The following GLYATL3 variants were observed in gnomAD, a reference collection of about 807,000 sequenced individuals.
GLYATL3 encodes glycine-N-acyltransferase like 3.
Under a neutral mutation model 28.5 loss-of-function variants are expected in GLYATL3, and 31 were observed. That is an observed-to-expected ratio of 1.09 (90% CI 0.82 to 1.47). The LOEUF (loss-of-function observed/expected upper bound fraction) is 1.47, where lower values mean the gene tolerates loss of function less well. Among genes scored for constraint, GLYATL3 ranks in the 40% most tolerant of loss-of-function variants. The probability of loss-of-function intolerance (pLI) is 0.00; values close to 1 mark genes in which losing one functional copy is unlikely to be tolerated. For synonymous variants in GLYATL3, 141 were observed against 140.2 expected (o/e 1.01, Z -0.04); for missense variants, 369 against 351.5 (o/e 1.05, Z -0.40).
chr6:49,522,688 C>A (rs192078323), intron 5 of GLYATL3, among the ~76,000 whole-genome samples: 39 of 152,260 alleles, frequency 2.6e-4, no homozygotes, highest in Non-Finnish European at 1.6e-4. Flanking sequence ...TGTTAATTTT[C>A]TTTACTCCTA....
chr6:49,509,146 G>C (rs1177124738), intron 1 of GLYATL3, among the ~76,000 whole-genome samples: 2 of 152,138 alleles, frequency 1.3e-5, no homozygotes, highest in African/African-American at 2.4e-5. Flanking sequence ...CTTTATGTTA[G>C]AAAGTTTAGT....
At position 49,527,003 on chromosome 6, in the gene GLYATL3, CAG is replaced by C. The variant is rs1769433608; in HGVS notation, c.*90_*91del. On this transcript the variant is annotated 3_prime_UTR_variant, in exon 6 of 6. Transcript: ENST00000371197. ...ACGAGGGGAGAGTTAAAATGGGAATCAGGGGACTCTTGAGTTGTTGGAAAGGG... is the reference window on the plus strand; with the variant it reads ...ACGAGGGGAGAGTTAAAATGGGAATCGGGACTCTTGAGTTGTTGGAAAGGG... The C allele has an allele frequency of 3.1e-6, 3 of 983,304 alleles. No homozygotes were observed. Among genetic ancestry groups the C allele is most frequent in the African/African-American group, 1.6e-5 (1 of 60,892 alleles). 60.9% of individuals were successfully genotyped at this position (983,304 alleles called of 1,614,324 possible). A position where few individuals can be genotyped will look rare whatever the true frequency, so the allele number is the denominator to read the frequency against.
At chr6:49,513,122 G>GTGAC (rs1358057654) in intron 2 of GLYATL3, among the ~76,000 whole-genome samples, 2 of 152,130 alleles carry the variant, frequency 1.3e-5, no homozygotes, top group Admixed American at 6.5e-5. Flanking sequence ...AAAAATTTCA[G>GTGAC]TGACCTTTAC....
At chr6:49,519,165 T>C (rs1769271090) in intron 4 of GLYATL3, among the ~76,000 whole-genome samples, 3 of 152,190 alleles carry the variant, frequency 2.0e-5, no homozygotes, top group Admixed American at 1.3e-4. Context: ...TGGTAATAAT[T>C]GGATGGATCT....
At chr6:49,512,154 T>A (rs964030427) in intron 2 of GLYATL3, 86 bp downstream of exon 2, 15 of 676,468 alleles carry the variant, frequency 2.2e-5, no homozygotes. Flanking sequence ...TTTCCTTTTT[T>A]TCTGATAATA....
chr6:49,506,689 C>T lies in GLYATL3; in HGVS notation c.-28-5274C>T, dbSNP rs532413539. ...CTTTTTTTTGTACAACAAACACAGGCGAGTTCCATGGAGACAAGGACGGCT... is the reference window on the plus strand; with the variant it reads ...CTTTTTTTTGTACAACAAACACAGGTGAGTTCCATGGAGACAAGGACGGCT... On this transcript the variant is annotated intron_variant, in intron 1 of 5. Coordinates refer to ENST00000371197, the MANE Select transcript of GLYATL3 (RefSeq NM_001010904.2). 1.6e-4 allele frequency among the ~76,000 whole-genome samples: 24 copies of T among 152,084 alleles called. No homozygotes were observed. The South Asian group carries it at 3.5e-3, about 22-fold the overall frequency.
At chr6:49,522,266 A>G (rs953577530) in intron 5 of GLYATL3, among the ~76,000 whole-genome samples, 4 of 151,878 alleles carry the variant, frequency 2.6e-5, no homozygotes, top group African/African-American at 9.7e-5. Context: ...TGCCCCTCCC[A>G]CCCCCACACA....
chr6:49,515,620 A>C lies in GLYATL3; in HGVS notation c.79-33A>C, dbSNP rs185410542. 4.7e-4 allele frequency: 573 copies of C among 1,230,264 alleles called. 2 individuals are homozygous for C. In the African/African-American group the frequency reaches 7.9e-3, roughly 17 times the overall value. The allele number at this position is 1,230,264 out of a possible 1,614,324, so 76.2% of individuals were successfully genotyped here. A position where few individuals can be genotyped will look rare whatever the true frequency, so the allele number is the denominator to read the frequency against. On this transcript the variant is annotated intron_variant, in intron 2 of 5. Transcript: ENST00000371197. Reference sequence around the variant, plus strand: ...ATATGTGAGTGAAACAGCTAATAGTATGATTGGCTTGTCTCTGGGTTATCT... The same window carrying C: ...ATATGTGAGTGAAACAGCTAATAGTCTGATTGGCTTGTCTCTGGGTTATCT...
At chr6:49,512,106 T>C in intron 2 of GLYATL3, 38 bp downstream of exon 2, 1 of 928,288 alleles carries the variant, frequency 1.1e-6, no homozygotes, top group Non-Finnish European at 1.7e-6. Flanking sequence ...ATTTCTTTAT[T>C]GTGTTAATCT....
At position 49,527,251 on chromosome 6, in the gene GLYATL3, G is replaced by A. The variant is rs1404384057; in HGVS notation, c.*337G>A. Reference sequence around the variant, plus strand: ...AACAAATGATTTAACAGAGGACCACGTGGCTACTGCTTTTTGATTGCTGCT... The same window carrying A: ...AACAAATGATTTAACAGAGGACCACATGGCTACTGCTTTTTGATTGCTGCT... On this transcript the variant is annotated 3_prime_UTR_variant, in exon 6 of 6. Coordinates refer to ENST00000371197, the MANE Select transcript of GLYATL3 (RefSeq NM_001010904.2). 6.6e-6 allele frequency among the ~76,000 whole-genome samples: 1 copy of A among 152,146 alleles called. No individual in the cohort carries two copies. Among genetic ancestry groups the A allele is most frequent in the Admixed American group, 6.5e-5 (1 of 15,272 alleles).
At chr6:49,501,371 A>G (rs1457503078) in intron 1 of GLYATL3, among the ~76,000 whole-genome samples, 1 of 152,192 alleles carries the variant, frequency 6.6e-6, no homozygotes, top group Non-Finnish European at 1.5e-5. Context: ...GACTCACACA[A>G]GATAGTGAAA....
At chr6:49,523,106 T>C (rs760117114) in intron 5 of GLYATL3, among the ~76,000 whole-genome samples, 29 of 152,128 alleles carry the variant, frequency 1.9e-4, no homozygotes, top group Non-Finnish European at 3.2e-4. Flanking sequence ...CTCACGGCTA[T>C]GATTGATTAC....
chr6:49,502,615 T>C lies in GLYATL3; in HGVS notation c.-29+2573T>C, dbSNP rs568281348. 5.9e-5 allele frequency among the ~76,000 whole-genome samples: 9 copies of C among 152,198 alleles called. No individual in the cohort carries two copies. In the East Asian group the frequency reaches 1.5e-3, roughly 26 times the overall value. ...ACAGTTTGTCAGGTTATTAATTTGA[T>C]TGGCCAATTTTTGATCAATACCTGA... On this transcript the variant is annotated intron_variant, in intron 1 of 5. Coordinates refer to ENST00000371197, the MANE Select transcript of GLYATL3 (RefSeq NM_001010904.2).
Position 49,512,040 on chromosome 6 carries a change from T to G in GLYATL3, c.50T>G (p.Leu17Trp). The G allele has an allele frequency of 6.8e-7, 1 of 1,467,040 alleles. No homozygotes were observed. The highest frequency in any genetic ancestry group is 9.3e-7 in the Non-Finnish European group (1 of 1,072,202). 90.9% of individuals were successfully genotyped at this position (1,467,040 alleles called of 1,614,324 possible). The change falls in exon 2 of 6, where the codon TTG (leucine) becomes TGG (tryptophan). Residue 17 changes from leucine (L) to tryptophan (W), a missense_variant. Coordinates refer to ENST00000371197, the MANE Select transcript of GLYATL3 (RefSeq NM_001010904.2). ...STKLLILEKM[L>W]KSCFPESLKV... Reference sequence around the variant, plus strand: ...AAATTACTGATACTGGAGAAAATGTTGAAGAGTTGCTTTCCTGAATCACTC... The same window carrying G: ...AAATTACTGATACTGGAGAAAATGTGGAAGAGTTGCTTTCCTGAATCACTC...
Position 49,526,983 on chromosome 6 carries a change from G to A in GLYATL3, c.*69G>A, listed in dbSNP as rs1446800403. ...ACACACACTCTTGGCTGCCAACGAG[G>A]GGAGAGTTAAAATGGGAATCAGGGG... On this transcript the variant is annotated 3_prime_UTR_variant, in exon 6 of 6. Coordinates refer to ENST00000371197, the MANE Select transcript of GLYATL3 (RefSeq NM_001010904.2). 7 of 1,182,150 alleles carry A rather than the reference G, an allele frequency of 5.9e-6. No homozygotes were observed. The highest frequency in any genetic ancestry group is 8.1e-6 in the Non-Finnish European group (7 of 864,680). The allele number at this position is 1,182,150 out of a possible 1,614,324, so 73.2% of individuals were successfully genotyped here.
chr6:49,517,697 A>G (rs1389352612), intron 4 of GLYATL3, 141 bp downstream of exon 4: 3 of 529,586 alleles, frequency 5.7e-6, no homozygotes, highest in Non-Finnish European at 9.3e-6. Flanking sequence ...ATACACATAC[A>G]TTTTATGCAT....
chr6:49,521,796 TG>T, intron 5 of GLYATL3, 25 bp downstream of exon 5: 1 of 1,547,986 alleles, frequency 6.5e-7, no homozygotes, highest in Non-Finnish European at 8.7e-7. Flanking sequence ...TTTTTGCATT[TG>T]GGGCAGGACT....
At chr6:49,524,182 G>C (rs962513485) in intron 5 of GLYATL3, among the ~76,000 whole-genome samples, 1 of 16,848 alleles carries the variant, frequency 5.9e-5, no homozygotes, top group African/African-American at 1.6e-4. Flanking sequence ...TATTTGCAGT[G>C]ATATTTCTGC....
Position 49,515,830 on chromosome 6 carries a change from T to C in GLYATL3, c.186+70T>C, listed in dbSNP as rs557942292. 441 of 855,056 alleles carry C rather than the reference T, an allele frequency of 5.2e-4. 1 individual carries two copies. In the African/African-American group the frequency reaches 6.0e-3, roughly 12 times the overall value. The allele number at this position is 855,056 out of a possible 1,614,324, so 53.0% of individuals were successfully genotyped here. A position where few individuals can be genotyped will look rare whatever the true frequency, so the allele number is the denominator to read the frequency against. ...AAAGAAAAAGTAGGTAATGGTATTTTATAATCATAGTAGCCATTTACATTA... is the reference window on the plus strand; with the variant it reads ...AAAGAAAAAGTAGGTAATGGTATTTCATAATCATAGTAGCCATTTACATTA... On this transcript the variant is annotated intron_variant, in intron 3 of 5. Coordinates refer to ENST00000371197, the MANE Select transcript of GLYATL3 (RefSeq NM_001010904.2).
Sources: allele counts gnomAD v4.1 joint callset (sites outside exome capture counted in the v4.1 genomes callset), GRCh38; gene constraint gnomAD v4.1.1; transcripts MANE v1.5; gene names NCBI Gene and HGNC (gene_info 2026-07-23, HGNC 2026-07-21).